PCLO: variants seen among roughly 807,000 people sequenced by gnomAD.
The protein encoded by PCLO is piccolo presynaptic cytomatrix protein.
Under a neutral mutation model 427.5 loss-of-function variants are expected in PCLO, and 82 were observed. That is an observed-to-expected ratio of 0.19 (90% CI 0.16 to 0.23). The LOEUF is 0.23. Among genes scored for constraint, PCLO ranks in the 10% least tolerant of loss-of-function variants. The pLI, the probability that PCLO is intolerant of heterozygous loss-of-function variation, is 1.00. For missense variants in PCLO, 6,239 were observed against 6,115.9 expected, an observed-to-expected ratio of 1.02 and a Z score of -0.67; for synonymous variants, 2,357 against 2,155.4, an observed-to-expected ratio of 1.09 and a Z score of -2.59.
chr7:82,979,582 T>G (rs569265681), intron 3 of PCLO, among the ~76,000 whole-genome samples: 207 of 152,292 alleles, frequency 1.4e-3, no homozygotes, highest in African/African-American at 4.7e-3. Flanking sequence ...AATCCAATCT[T>G]TCACTCAGCA....
chr7:82,873,451 A>G (rs1793291082), intron 10 of PCLO, among the ~76,000 whole-genome samples: 1 of 152,144 alleles, frequency 6.6e-6, no homozygotes, highest in African/African-American at 2.4e-5. Context: ...GAAGAGGCTC[A>G]GTTTAAGGAA....
Position 82,754,954 on chromosome 7 carries a change from A to G in PCLO, c.*3621T>C, listed in dbSNP as rs1479905374. On this transcript the variant is annotated 3_prime_UTR_variant, in exon 25 of 25. Coordinates refer to ENST00000333891, the MANE Select transcript of PCLO (RefSeq NM_033026.6). ...TAAGTTTTTAAAAATATTGTTAGTTATGATTTAAATAATAAAGTAAAAAAA... is the reference window on the plus strand; with the variant it reads ...TAAGTTTTTAAAAATATTGTTAGTTGTGATTTAAATAATAAAGTAAAAAAA... 1 of 152,140 alleles carries G rather than the reference A, an allele frequency of 6.6e-6. No individual in the cohort carries two copies. The highest frequency in any genetic ancestry group is 1.5e-5 in the Non-Finnish European group (1 of 67,990). 9.4% of individuals were successfully genotyped at this position (152,140 alleles called of 1,614,324 possible). A position where few individuals can be genotyped will look rare whatever the true frequency, so the allele number is the denominator to read the frequency against.
chr7:82,883,102 T>A lies in PCLO; in HGVS notation c.13529-3640A>T, dbSNP rs191915228. On this transcript the variant is annotated intron_variant, in intron 9 of 24. Transcript: ENST00000333891. ...GTATTAATGAACATACTGTATCTTA[T>A]GAATAGTTTAAATCAACTGTGTTGA... Among the ~76,000 whole-genome samples, 39 of 152,252 alleles carry A rather than the reference T, an allele frequency of 2.6e-4. No individual in the cohort carries two copies. In the East Asian group the frequency reaches 7.3e-3, roughly 29 times the overall value.
intron 23 of PCLO, 73 bp downstream of exon 23, chr7:82,761,286 C>A: frequency 2.4e-6 from 2 of 842,792 alleles, no homozygotes; most frequent in Non-Finnish European, 3.5e-6. Flanking sequence ...TTTTAGTTAA[C>A]ATTTTCCAGA....
intron 3 of PCLO, among the ~76,000 whole-genome samples, chr7:83,044,597 G>A (rs1789060456): frequency 6.6e-6 from 1 of 151,972 alleles, no homozygotes; most frequent in African/African-American, 2.4e-5. Flanking sequence ...AGTACCATAT[G>A]AACCTGCTAT....
Position 82,916,401 on chromosome 7 carries a change from GT to G in PCLO, c.11584del (p.Thr3862LeufsTer17). On this transcript the variant is annotated frameshift_variant, in exon 7 of 25. Transcript: ENST00000333891. LOFTEE classifies it high-confidence loss of function. ...GIERPRTAPQ[T>X]EFSQFIPPQT... ...TGGTGGTATAAACTGGCTGAATTCA[GT>G]TTGGGGAGCAGTTCTTGGTCGCTCA... The G allele has an allele frequency of 6.2e-7, 1 of 1,613,738 alleles. No individual in the cohort carries two copies. Among genetic ancestry groups the G allele is most frequent in the East Asian group, 2.2e-5 (1 of 44,856 alleles).
rs545317347 is a variant in PCLO, at chr7:82,940,887, C to G, written c.11112+8589G>C. Among the ~76,000 whole-genome samples the G allele has an allele frequency of 2.8e-4, 42 of 150,978 alleles. 2 individuals are homozygous for G. In the South Asian group the frequency reaches 8.2e-3, roughly 29 times the overall value. On this transcript the variant is annotated intron_variant, in intron 6 of 24. Coordinates refer to ENST00000333891, the MANE Select transcript of PCLO (RefSeq NM_033026.6). ...ATGCCATTCTCCTGTCTTAGCCTCC[C>G]GAGTAGCTGGGACTACAGGTGCTTG...
intron 10 of PCLO, among the ~76,000 whole-genome samples, chr7:82,858,619 TCAA>T (rs1304775819): frequency 6.6e-6 from 1 of 152,046 alleles, no homozygotes; most frequent in Non-Finnish European, 1.5e-5. Flanking sequence ...GGATATAAAA[TCAA>T]CAACAAAAAT....
intron 2 of PCLO, among the ~76,000 whole-genome samples, chr7:83,149,365 T>C (rs1792074600): frequency 1.3e-5 from 2 of 152,190 alleles, no homozygotes; most frequent in South Asian, 4.1e-4. Context: ...CTTTCTACCT[T>C]CAAGGAATTC....
chr7:82,985,976 T>C (rs188506561), intron 3 of PCLO, among the ~76,000 whole-genome samples: 71 of 152,100 alleles, frequency 4.7e-4, no homozygotes, highest in African/African-American at 1.6e-3. Context: ...AGAAAATATA[T>C]CCAATAAATG....
At chr7:82,827,389 T>C (rs1405801029) in intron 17 of PCLO, among the ~76,000 whole-genome samples, 1 of 152,086 alleles carries the variant, frequency 6.6e-6, no homozygotes, top group Non-Finnish European at 1.5e-5. Context: ...TGCCTTCTTC[T>C]GTAGAGATTA....
chr7:83,061,468 A>G (rs1489635833), intron 3 of PCLO, among the ~76,000 whole-genome samples: 1 of 152,208 alleles, frequency 6.6e-6, no homozygotes, highest in Non-Finnish European at 1.5e-5. Flanking sequence ...GCCACATAAC[A>G]TAATAAAATC....
At chr7:82,769,423 T>C (rs908774704) in intron 22 of PCLO, among the ~76,000 whole-genome samples, 1 of 152,148 alleles carries the variant, frequency 6.6e-6, no homozygotes, top group African/African-American at 2.4e-5. Context: ...AAAGTGACTA[T>C]TAATTGAGAA....
chr7:83,125,833 A>G (rs571454494), intron 3 of PCLO, among the ~76,000 whole-genome samples: 35 of 152,220 alleles, frequency 2.3e-4, no homozygotes, highest in African/African-American at 8.2e-4. Context: ...CTATTGTCCT[A>G]TGACCCTGCC....
intron 7 of PCLO, among the ~76,000 whole-genome samples, chr7:82,913,254 T>C (rs1330495491): frequency 1.3e-5 from 2 of 152,104 alleles, no homozygotes; most frequent in South Asian, 2.1e-4. Flanking sequence ...AAGCAGTTTG[T>C]CCTCCTTCAG....
rs73710066 is a variant in PCLO, at chr7:82,888,587, T to C, written c.13529-9125A>G. ...TTAAGCTTCCTTCAGAATTCAACTT[T>C]GAAGCAAACAAAACAAATCTTTTTA... is the stretch of plus-strand genomic sequence containing the variant. On this transcript the variant is annotated intron_variant, in intron 9 of 24. Transcript: ENST00000333891. Among the ~76,000 whole-genome samples, 1,151 of 152,152 alleles carry C rather than the reference T, an allele frequency of 7.6e-3. 12 individuals carry two copies. Among genetic ancestry groups the C allele is most frequent in the African/African-American group, 0.026 (1,089 of 41,488 alleles).
At chr7:82,850,374 A>T (rs1452337559) in intron 10 of PCLO, among the ~76,000 whole-genome samples, 3 of 152,142 alleles carry the variant, frequency 2.0e-5, no homozygotes, top group African/African-American at 7.2e-5. Context: ...CATCGATGAT[A>T]GGATTTGTTG....
chr7:83,031,950 A>ATCCCC, intron 3 of PCLO, among the ~76,000 whole-genome samples: 1 of 152,246 alleles, frequency 6.6e-6, no homozygotes, highest in South Asian at 2.1e-4. Context: ...GCATTTGCTA[A>ATCCCC]ACTCCTAGGC....
At position 83,038,008 on chromosome 7, in the gene PCLO, T is replaced by C. The variant is rs1562932774; in HGVS notation, c.3301-71521A>G. On this transcript the variant is annotated intron_variant, in intron 3 of 24. Transcript: ENST00000333891. ...AGGAGCTTATATATATATATATATA[T>C]ATATATATATATATATATATATTTA... Among the ~76,000 whole-genome samples the C allele has an allele frequency of 4.6e-5, 2 of 43,058 alleles. 1 individual carries two copies. The highest frequency in any genetic ancestry group is 3.1e-4 in the African/African-American group (2 of 6,460). The allele number at this position is 43,058 out of a possible 152,430, so 28.2% of individuals were successfully genotyped here. A position where few individuals can be genotyped will look rare whatever the true frequency, so the allele number is the denominator to read the frequency against.
Sources: allele counts gnomAD v4.1 joint callset (sites outside exome capture counted in the v4.1 genomes callset), GRCh38; gene constraint gnomAD v4.1.1; transcripts MANE v1.5; gene names NCBI Gene and HGNC (gene_info 2026-07-23, HGNC 2026-07-21).